KCTD20: variants seen among roughly 807,000 people sequenced by gnomAD.
KCTD20 encodes potassium channel tetramerization domain containing 20.
In KCTD20, 30 loss-of-function variants were observed where a neutral mutation model predicts 39.6. The observed-to-expected ratio is 0.76, with a 90% CI of 0.57 to 1.03. The LOEUF is 1.03. KCTD20 is among the 50% of genes least tolerant of loss of function. The pLI, the probability that KCTD20 is intolerant of heterozygous loss-of-function variation, is 0.00. For synonymous variants in KCTD20, 162 were observed against 180.6 expected (o/e 0.90, Z 0.83); for missense variants, 422 against 522.0 (o/e 0.81, Z 1.87).
rs1398392350 is a variant in KCTD20, at chr6:36,490,311, A to G, written c.*3136A>G. The stretch of plus-strand genomic sequence containing the variant: ...GCACTTTGGGAGGCCGAGGCCGGCA[A>G]ATCACCTAAGGTCAGGAGTTCGAGA... On this transcript the variant is annotated 3_prime_UTR_variant, in exon 8 of 8. Coordinates refer to ENST00000373731, the MANE Select transcript of KCTD20 (RefSeq NM_173562.5). The G allele has an allele frequency of 6.7e-6, 1 of 148,942 alleles. No homozygotes were observed. The highest frequency in any genetic ancestry group is 2.0e-4 in the East Asian group (1 of 4,956). 9.2% of individuals were successfully genotyped at this position (148,942 alleles called of 1,614,324 possible).
chr6:36,469,917 A>C lies in KCTD20; in HGVS notation c.-46-135A>C. ...TGATTCCTATCGATATAAAAATCACAAAAATGTTTAAGATGCCTATTTCTC... is the reference window on the plus strand; with the variant it reads ...TGATTCCTATCGATATAAAAATCACCAAAATGTTTAAGATGCCTATTTCTC... On this transcript the variant is annotated intron_variant, in intron 1 of 7. Coordinates refer to ENST00000373731, the MANE Select transcript of KCTD20 (RefSeq NM_173562.5). The surrounding 1 kb of genome is among the most constrained non-coding windows in gnomAD (Gnocchi z 4.6). The C allele has an allele frequency of 2.2e-6, 1 of 449,400 alleles. No homozygotes were observed. The highest frequency in any genetic ancestry group is 4.1e-5 in the Admixed American group (1 of 24,446). The allele number at this position is 449,400 out of a possible 1,614,324, so 27.8% of individuals were successfully genotyped here.
In KCTD20 at chr6:36,470,111, G is replaced by A. The variant is rs1367865482; in HGVS notation, c.14G>A (p.Arg5His). The change falls in exon 2 of 8, where the codon CGT becomes CAT. Residue 5 changes from arginine to histidine, a missense_variant. Arg to His is a conservative substitution (Grantham distance 29, BLOSUM62 0). Coordinates refer to ENST00000373731, the MANE Select transcript of KCTD20 (RefSeq NM_173562.5). ...CAGAATCTAAGGATGAATGTTCACC[G>A]TGGCAGTGACAGTGACAGGTTATTG... MNVH[R>H]GSDSDRLLRQ... is the part of the protein sequence containing the mutation. The A allele has an allele frequency of 3.7e-6, 6 of 1,613,126 alleles. No homozygotes were observed. Among genetic ancestry groups the A allele is most frequent in the East Asian group, 2.2e-5 (1 of 44,822 alleles).
chr6:36,446,866 A>G (rs1422862636), intron 1 of KCTD20, among the ~76,000 whole-genome samples: 2 of 152,246 alleles, frequency 1.3e-5, no homozygotes, highest in South Asian at 2.1e-4. Flanking sequence ...GTAGAAATAA[A>G]AATAGTAATG....
At chr6:36,483,409 C>T (rs1274665348) in intron 6 of KCTD20, among the ~76,000 whole-genome samples, 1 of 151,790 alleles carries the variant, frequency 6.6e-6, no homozygotes, top group Non-Finnish European at 1.5e-5. Context: ...AACGGGGTTT[C>T]ACCATGTTGG....
intron 2 of KCTD20, among the ~76,000 whole-genome samples, chr6:36,473,522 C>T (rs1775972174): frequency 6.6e-6 from 1 of 151,936 alleles, no homozygotes; most frequent in South Asian, 2.1e-4. Context: ...CCTGTAATCC[C>T]AGCACTCTGG....
At chr6:36,463,372 C>CA (rs1389098672) in intron 1 of KCTD20, among the ~76,000 whole-genome samples, 1 of 152,006 alleles carries the variant, frequency 6.6e-6, no homozygotes, top group Non-Finnish European at 1.5e-5. Context: ...TAACAAGGTA[C>CA]AAAATATGGT....
rs552153777 is a variant in KCTD20, at chr6:36,454,290, C to G, written c.-47+11179C>G. ...TTACTCATTTACAAATTGTCTATGACTGCTTTTGCTCTATAATAGTATGGC... is the reference window on the plus strand; with the variant it reads ...TTACTCATTTACAAATTGTCTATGAGTGCTTTTGCTCTATAATAGTATGGC... On this transcript the variant is annotated intron_variant, in intron 1 of 7. Coordinates refer to ENST00000373731, the MANE Select transcript of KCTD20 (RefSeq NM_173562.5). 2.0e-5 allele frequency among the ~76,000 whole-genome samples: 3 copies of G among 152,082 alleles called. No individual in the cohort carries two copies. In the South Asian group the frequency reaches 6.2e-4, roughly 32 times the overall value.
Position 36,479,571 on chromosome 6 carries a change from T to C in KCTD20, c.538-20T>C. 1 of 1,594,368 alleles carries C rather than the reference T, an allele frequency of 6.3e-7. No homozygotes were observed. Among genetic ancestry groups the C allele is most frequent in the Non-Finnish European group, 8.5e-7 (1 of 1,174,084 alleles). On this transcript the variant is annotated intron_variant, in intron 4 of 7. Transcript: ENST00000373731. ...CATCTTGTTCTCTGCCTACATTTTT[T>C]CTTCCTAATCTATTTACAGGATTAT...
chr6:36,453,815 T>C (rs1775345125), intron 1 of KCTD20, among the ~76,000 whole-genome samples: 1 of 152,158 alleles, frequency 6.6e-6, no homozygotes, highest in Non-Finnish European at 1.5e-5. Flanking sequence ...CGGCCTCTAA[T>C]ATATGTTTTA....
intron 1 of KCTD20, among the ~76,000 whole-genome samples, chr6:36,457,234 C>G (rs1318233157): frequency 6.6e-6 from 1 of 152,140 alleles, no homozygotes. Context: ...GGGCTGTATG[C>G]TATTCCTGAA....
intron 5 of KCTD20, 24 bp from the exon 6 acceptor site, chr6:36,481,538 T>C (rs756467543): frequency 1.3e-6 from 2 of 1,572,878 alleles, no homozygotes; most frequent in Non-Finnish European, 1.8e-6. Flanking sequence ...AGAAAGCATG[T>C]TCACCTACAT....
chr6:36,479,698 A>C lies in KCTD20; in HGVS notation c.645A>C (p.Arg215=), dbSNP rs1463351708. Residue 215 remains arginine (R), a synonymous_variant, in exon 5 of 8, where the codon CGA becomes CGC. Transcript: ENST00000373731. ...LCINFDFNTI[R]CQDLSALLHE... is the part of the protein sequence containing the mutation. ...TTAATTTTGACTTCAACACTATCCG[A>C]TGTCAAGATCTGAGTAAGTACAGGA... 2 of 1,592,148 alleles carry C rather than the reference A, an allele frequency of 1.3e-6. No individual in the cohort carries two copies. The highest frequency in any genetic ancestry group is 2.7e-5 in the African/African-American group (2 of 73,996).
At position 36,470,042 on chromosome 6, in the gene KCTD20, T is replaced by C; in HGVS notation, c.-46-10T>C. The C allele has an allele frequency of 6.9e-7, 1 of 1,449,506 alleles. No individual in the cohort carries two copies. The highest frequency in any genetic ancestry group is 9.3e-7 in the Non-Finnish European group (1 of 1,077,422). 89.8% of individuals were successfully genotyped at this position (1,449,506 alleles called of 1,614,324 possible). ...GTGAGTTCTAAATCATGCATATTCC[T>C]GTGTTCCAGGATTTCTCTCTGATCA... is the stretch of plus-strand genomic sequence containing the variant. On this transcript the variant is annotated splice_polypyrimidine_tract_variant and intron_variant, in intron 1 of 7. Coordinates refer to ENST00000373731, the MANE Select transcript of KCTD20 (RefSeq NM_173562.5).
rs1776493840 is a variant in KCTD20, at chr6:36,488,553, A to G, written c.*1378A>G. ...ACAGGTTGAGTATCTCTTATCCAAAATGCTAGGGACCAGAAAGGTTTCAGA... is the reference window on the plus strand; with the variant it reads ...ACAGGTTGAGTATCTCTTATCCAAAGTGCTAGGGACCAGAAAGGTTTCAGA... On this transcript the variant is annotated 3_prime_UTR_variant, in exon 8 of 8. Transcript: ENST00000373731. The G allele has an allele frequency of 6.6e-6, 1 of 152,236 alleles. No homozygotes were observed. Among genetic ancestry groups the G allele is most frequent in the Non-Finnish European group, 1.5e-5 (1 of 68,042 alleles). 9.4% of individuals were successfully genotyped at this position (152,236 alleles called of 1,614,324 possible).
intron 1 of KCTD20, among the ~76,000 whole-genome samples, chr6:36,460,045 T>A (rs12191389): frequency 0.075 from 11,446 of 152,316 alleles, 587 homozygotes; most frequent in Admixed American, 0.11. Context: ...TAGAGAGTTT[T>A]AGGTAATAGC....
chr6:36,470,596 T>TTTCTTA (rs1367809558), intron 2 of KCTD20, among the ~76,000 whole-genome samples: 1 of 152,142 alleles, frequency 6.6e-6, no homozygotes, highest in Non-Finnish European at 1.5e-5. Flanking sequence ...CTTTACTTTA[T>TTTCTTA]TTTTTATTTT....
At chr6:36,443,919 G>A (rs1374942931) in intron 1 of KCTD20, among the ~76,000 whole-genome samples, 1 of 152,194 alleles carries the variant, frequency 6.6e-6, no homozygotes, top group African/African-American at 2.4e-5. Context: ...AGAGTCCTTA[G>A]TTTTGTTCCT....
At chr6:36,447,779 C>T (rs1015559070) in intron 1 of KCTD20, among the ~76,000 whole-genome samples, 7 of 151,560 alleles carry the variant, frequency 4.6e-5, no homozygotes, top group Non-Finnish European at 4.4e-5. Context: ...TCGCTTGAGC[C>T]CAGGAGTTCG....
intron 1 of KCTD20, among the ~76,000 whole-genome samples, chr6:36,465,404 T>C (rs1775720443): frequency 6.6e-6 from 1 of 150,482 alleles, no homozygotes; most frequent in South Asian, 2.1e-4. Context: ...TTTTTTTTAA[T>C]CTGAGTAGTT....
Sources: gnomAD v4.1 joint callset for allele counts (sites outside exome capture counted in the v4.1 genomes callset) on GRCh38, gnomAD v4.1.1 for gene constraint, Gnocchi (gnomAD v3.1) non-coding constraint, MANE v1.5 for transcripts, NCBI Gene and HGNC (gene_info 2026-07-23, HGNC 2026-07-21) for gene names.